Variants in JADE1 observed in about 807,000 individuals in gnomAD.
The protein encoded by JADE1 is protein Jade-1.
In JADE1, 14 loss-of-function variants were observed where a neutral mutation model predicts 81.8. The observed-to-expected ratio is 0.17, with a 90% CI of 0.11 to 0.27. The LOEUF (loss-of-function observed/expected upper bound fraction) is 0.27. Ranked by LOEUF, JADE1 falls within the 10% of genes least tolerant of loss-of-function variation. The pLI is 1.00. For missense variants in JADE1, 690 were observed against 1,047.9 expected, an observed-to-expected ratio of 0.66 and a Z score of 4.71; for synonymous variants, 353 against 391.9, an observed-to-expected ratio of 0.90 and a Z score of 1.17.
intron 2 of JADE1, among the ~76,000 whole-genome samples, chr4:128,838,607 GTTTTGCTGTAGTATAAA>G (rs1426538769): frequency 6.6e-6 from 1 of 152,168 alleles, no homozygotes; most frequent in Non-Finnish European, 1.5e-5. Context: ...AGTGCGTGAT[GTTTTGCTGTAGTATAAA>G]TCACTGACTC....
rs549007292 is a variant in JADE1 at position 128,818,560 on chromosome 4, C to A, written c.-27+8683C>A. Among the ~76,000 whole-genome samples the A allele has an allele frequency of 2.0e-5, 3 of 152,090 alleles. No homozygotes were observed. In the South Asian group the frequency reaches 6.2e-4, roughly 32 times the overall value. ...GGTTTATAAACATCATACTACTGATCGGTTGATTTATAGGACAGATCAGTT... is the reference window on the plus strand; with the variant it reads ...GGTTTATAAACATCATACTACTGATAGGTTGATTTATAGGACAGATCAGTT... On this transcript the variant is annotated intron_variant, in intron 1 of 10. Coordinates refer to ENST00000226319, the MANE Select transcript of JADE1 (RefSeq NM_199320.4).
chr4:128,823,625 G>A (rs1727774937), intron 1 of JADE1, among the ~76,000 whole-genome samples: 1 of 152,108 alleles, frequency 6.6e-6, no homozygotes, highest in Admixed American at 6.6e-5. Context: ...AAGTTTTGAT[G>A]TATGACGTTA....
intron 9 of JADE1, among the ~76,000 whole-genome samples, chr4:128,866,728 A>G (rs1483855191): frequency 1.3e-5 from 2 of 152,176 alleles, no homozygotes; most frequent in Non-Finnish European, 1.5e-5. Flanking sequence ...ATTTTTAGGA[A>G]AGTGAAGGCA....
chr4:128,842,862 C>A, intron 2 of JADE1, 91 bp from the exon 3 acceptor site: 1 of 1,069,390 alleles, frequency 9.4e-7, no homozygotes, highest in Non-Finnish European at 1.4e-6. Context: ...CTGAGGTGAG[C>A]CTGGGATGAG....
chr4:128,874,036 T>C lies in JADE1; in HGVS notation c.*1774T>C, dbSNP rs769736786. 1 of 152,646 alleles carries C rather than the reference T, an allele frequency of 6.6e-6. No individual in the cohort carries two copies. Among genetic ancestry groups the C allele is most frequent in the African/African-American group, 2.4e-5 (1 of 41,454 alleles). The allele number at this position is 152,646 out of a possible 1,614,324, so 9.5% of individuals were successfully genotyped here. A position where few individuals can be genotyped will look rare whatever the true frequency, so the allele number is the denominator to read the frequency against. On this transcript the variant is annotated 3_prime_UTR_variant, in exon 11 of 11. Transcript: ENST00000226319. ...GGGAAGAATGATGCAGGTTTTTAGA[T>C]TGACTGACTATTTTTGAGTTATGGG...
At chr4:128,819,353 C>A (rs1324431907) in intron 1 of JADE1, among the ~76,000 whole-genome samples, 3 of 152,144 alleles carry the variant, frequency 2.0e-5, no homozygotes, top group African/African-American at 7.2e-5. Context: ...CAGCAACCTT[C>A]TGGTCTCAGG....
At chr4:128,843,068 A>C in intron 3 of JADE1, 30 bp downstream of exon 3, 1 of 1,559,468 alleles carries the variant, frequency 6.4e-7, no homozygotes, top group Non-Finnish European at 8.8e-7. Flanking sequence ...CTGACCGTGC[A>C]TGAATATATG....
At chr4:128,850,531 A>G (rs566820564) in intron 5 of JADE1, among the ~76,000 whole-genome samples, 1 of 152,296 alleles carries the variant, frequency 6.6e-6, no homozygotes, top group South Asian at 2.1e-4. Flanking sequence ...AAGTGTTTTT[A>G]TAGACAAAAT....
chr4:128,838,631 A>G (rs1729183423), intron 2 of JADE1, among the ~76,000 whole-genome samples: 1 of 151,832 alleles, frequency 6.6e-6, no homozygotes, highest in African/African-American at 2.4e-5. Flanking sequence ...TAAATCACTG[A>G]CTCCTGGTCT....
At chr4:128,864,496 G>C in intron 9 of JADE1, 2 of 985,384 alleles carry the variant, frequency 2.0e-6, no homozygotes, top group Middle Eastern at 5.2e-4. Flanking sequence ...CCCAAAATTT[G>C]CCATGATGCC....
At chr4:128,858,684 C>A (rs1433542838) in intron 8 of JADE1, among the ~76,000 whole-genome samples, 1 of 151,386 alleles carries the variant, frequency 6.6e-6, no homozygotes, top group Non-Finnish European at 1.5e-5. Context: ...CTCACTGCAA[C>A]CTCCGCCTCC....
At chr4:128,864,818 GAC>G (rs1177024589) in intron 9 of JADE1, 5 of 162,858 alleles carry the variant, frequency 3.1e-5, no homozygotes, top group Non-Finnish European at 2.6e-5. Context: ...TCTTCCTTCA[GAC>G]ACACACCTCG....
At chr4:128,859,510 CGT>C (rs1054672648) in intron 8 of JADE1, among the ~76,000 whole-genome samples, 8 of 149,818 alleles carry the variant, frequency 5.3e-5, no homozygotes, top group Non-Finnish European at 7.4e-5. Flanking sequence ...TGTGTGTATG[CGT>C]GTGAGTATGC....
Position 128,857,351 on chromosome 4 carries a change from G to A in JADE1, c.878G>A (p.Ser293Asn), listed in dbSNP as rs1207636506. 1 of 1,614,020 alleles carries A rather than the reference G, an allele frequency of 6.2e-7. No homozygotes were observed. Among genetic ancestry groups the A allele is most frequent in the Non-Finnish European group, 8.5e-7 (1 of 1,179,896 alleles). The change falls in exon 8 of 11, where the codon AGC (serine) becomes AAC (asparagine). Residue 293 changes from serine (S) to asparagine (N), a missense_variant. Physicochemically the swap from Ser to Asn is conservative, Grantham distance 46. Coordinates refer to ENST00000226319, the MANE Select transcript of JADE1 (RefSeq NM_199320.4). ...ALWIPEVSIG[S>N]PEKMEPITKV... is the part of the protein sequence containing the mutation. ...TCCGACCTTTAGGTGAGCATTGGCA[G>A]CCCAGAGAAGATGGAGCCCATCACC... is the stretch of plus-strand genomic sequence containing the variant.
At chr4:128,817,345 A>C (rs569904929) in intron 1 of JADE1, among the ~76,000 whole-genome samples, 12 of 152,224 alleles carry the variant, frequency 7.9e-5, no homozygotes, top group Non-Finnish European at 1.6e-4. Context: ...TGGAAGTAAT[A>C]TTTTAAACTA....
intron 4 of JADE1, among the ~76,000 whole-genome samples, chr4:128,848,526 G>A (rs899352734): frequency 6.6e-6 from 1 of 152,070 alleles, no homozygotes; most frequent in Non-Finnish European, 1.5e-5. Context: ...TTTTTGTGAG[G>A]TGTGAGGGTT....
Position 128,865,874 on chromosome 4 carries a change from G to A in JADE1, c.1504-1982G>A, listed in dbSNP as rs147598057. Among the ~76,000 whole-genome samples, 232 of 152,324 alleles carry A rather than the reference G, an allele frequency of 1.5e-3. 2 individuals carry two copies. The highest frequency in any genetic ancestry group is 0.013 in the East Asian group (70 of 5,188). On this transcript the variant is annotated intron_variant, in intron 9 of 10. Coordinates refer to ENST00000226319, the MANE Select transcript of JADE1 (RefSeq NM_199320.4). ...AAGGATAATTTCAAGTAAGAGAGAT[G>A]TAAGTATTTCTATTACATGTCTGAT...
chr4:128,859,448 C>T (rs942602035), intron 8 of JADE1, among the ~76,000 whole-genome samples: 4 of 151,442 alleles, frequency 2.6e-5, no homozygotes, highest in South Asian at 2.1e-4. Context: ...TGTGTGTATG[C>T]GCGTGAGTGC....
At chr4:128,829,079 T>C (rs1319524581) in intron 1 of JADE1, among the ~76,000 whole-genome samples, 1 of 152,186 alleles carries the variant, frequency 6.6e-6, no homozygotes, top group Non-Finnish European at 1.5e-5. Context: ...AGAGGTGCAT[T>C]CTCTAGAAGG....
Sources: gnomAD v4.1 joint callset for allele counts (sites outside exome capture counted in the v4.1 genomes callset) on GRCh38, gnomAD v4.1.1 for gene constraint, MANE v1.5 for transcripts, NCBI Gene and HGNC (gene_info 2026-07-23, HGNC 2026-07-21) for gene names.